Variants in HCFC1 observed in about 807,000 individuals in gnomAD.
HCFC1 encodes the protein host cell factor C1, also known as host cell factor 1.
A neutral mutation model predicts 105.5 loss-of-function variants in HCFC1; 7 were observed. That is an observed-to-expected ratio of 0.07 (90% CI 0.04 to 0.12). The LOEUF (loss-of-function observed/expected upper bound fraction) is 0.12. HCFC1 is among the 10% of genes least tolerant of loss of function. HCFC1 has a pLI of 1.00. For synonymous variants in HCFC1, 918 were observed against 828.1 expected (o/e 1.11, Z -1.86); for missense variants, 1,065 against 1,823.6 (o/e 0.58, Z 7.58).
chrX:153,957,998 C>T (rs377276616), intron 11 of HCFC1, 27 bp downstream of exon 11: 8 of 1,188,250 alleles, frequency 6.7e-6, no homozygotes, highest in African/African-American at 3.5e-5. Flanking sequence ...TGGCAGTGGC[C>T]GTAGCCTGGC....
Position 153,955,145 on chromosome X carries a change from G to A in HCFC1, c.3254C>T (p.Thr1085Met), listed in dbSNP as rs782166269. The A allele has an allele frequency of 5.8e-6, 7 of 1,211,410 alleles. No homozygotes were observed. The highest frequency in any genetic ancestry group is 4.3e-5 in the Admixed American group (2 of 46,081). ...GGTGGTGGCGGTGTTGGTGGTGCCC[G>A]TCTCGTGGGTCTCGCAGGGCGGGTT... is the stretch of plus-strand genomic sequence containing the variant. ...CSNPPCETHE[T>M]GTTNTATTAT... is the part of the protein sequence containing the mutation. The change falls in exon 17 of 26, where the codon ACG becomes ATG. Residue 1085 changes from threonine (T) to methionine (M), a missense_variant. Thr to Met is a moderately conservative substitution (Grantham distance 81, BLOSUM62 -1). This residue lies in a region of HCFC1 where 546 missense variants were observed against 599.9 expected (regional missense o/e 0.91). Transcript: ENST00000310441.
chrX:153,966,124 T>C (rs2065471959), intron 1 of HCFC1, among the ~76,000 whole-genome samples: 2 of 112,269 alleles, frequency 1.8e-5, no homozygotes, highest in Non-Finnish European at 3.8e-5. Flanking sequence ...GCGGGAGGAC[T>C]GCCTGACCCT....
Position 153,957,782 on chromosome X carries a change from C to A in HCFC1, c.2133G>T (p.Gln711His). 8.4e-7 allele frequency: 1 copy of A among 1,196,383 alleles called. No individual in the cohort carries two copies. Among genetic ancestry groups the A allele is most frequent in the Non-Finnish European group, 1.1e-6 (1 of 881,664 alleles). Residue 711 changes from glutamine to histidine, a missense_variant and splice_region_variant, in exon 12 of 26, where the codon CAG becomes CAT. By Grantham distance (24) the Gln-to-His change is conservative. Transcript: ENST00000310441. ...ASTGPVTQII[Q>H]TKGPLPAGTI... ...GTATGTGCAAAGACTGAGAGCTCAC[C>A]TGGATGATCTGAGTCACAGGACCCG...
At chrX:153,949,679 C>T (rs1198788536) in intron 24 of HCFC1, 63 bp from the exon 25 acceptor site, 10 of 970,647 alleles carry the variant, frequency 1.0e-5, no homozygotes, top group Non-Finnish European at 1.3e-5. Context: ...GGAACACATG[C>T]GCCCTGCCCG....
At chrX:153,958,329 T>C (rs782522354) in intron 10 of HCFC1, 80 bp from the exon 11 acceptor site, 298 of 814,529 alleles carry the variant, frequency 3.7e-4, no homozygotes, top group Non-Finnish European at 5.0e-4. Flanking sequence ...GGTGGGCCCA[T>C]AGCTCCTGCC....
rs2065529007 is a variant in HCFC1, at chrX:153,971,122, T to C, written c.-282A>G. ...TGAGTCCCGTCGCCCCGACTACTTG[T>C]CCGGGCGCTCCCGCTTACAAGCTCG... On this transcript the variant is annotated 5_prime_UTR_variant, in exon 1 of 26. Coordinates refer to ENST00000310441, the MANE Select transcript of HCFC1 (RefSeq NM_005334.3). 2 of 340,540 alleles carry C rather than the reference T, an allele frequency of 5.9e-6. No individual in the cohort carries two copies. The highest frequency in any genetic ancestry group is 1.2e-4 in the Admixed American group (2 of 16,937). 28.1% of individuals were successfully genotyped at this position (340,540 alleles called of 1,213,427 possible).
chrX:153,958,590 C>T lies in HCFC1; in HGVS notation c.1782G>A (p.Lys594=). 3 of 1,205,456 alleles carry T rather than the reference C, an allele frequency of 2.5e-6. No homozygotes were observed. The highest frequency in any genetic ancestry group is 3.4e-6 in the Non-Finnish European group (3 of 891,670). Reference sequence around the variant, plus strand: ...TCACCATGACTGGCGAGGAGGCCACCTTCACAGTGGCTGGGAGGGTGGTAG... The same window carrying T: ...TCACCATGACTGGCGAGGAGGCCACTTTCACAGTGGCTGGGAGGGTGGTAG... ...PGTTTLPATV[K]VASSPVMVSN... Residue 594 remains lysine, a synonymous_variant, in exon 10 of 26, where the codon AAG becomes AAA. Transcript: ENST00000310441.
rs1557113547 is a variant in HCFC1, at chrX:153,954,177, G to A, written c.4222C>T (p.Leu1408=). The change falls in exon 17 of 26, where the codon CTG becomes TTG. Residue 1408 remains leucine, a synonymous_variant. Transcript: ENST00000310441. ...ACCCTCTGTGTTGGGAAAGGAGCCAGCAGCGCGGTGCCAGCCTGGGGGGTG... is the reference window on the plus strand; with the variant it reads ...ACCCTCTGTGTTGGGAAAGGAGCCAACAGCGCGGTGCCAGCCTGGGGGGTG... ...SVTPQAGTAL[L]APFPTQRVCS... 2 of 1,201,155 alleles carry A rather than the reference G, an allele frequency of 1.7e-6. No individual in the cohort carries two copies. Among genetic ancestry groups the A allele is most frequent in the East Asian group, 3.0e-5 (1 of 33,419 alleles).
chrX:153,962,160 G>T, intron 5 of HCFC1, 62 bp downstream of exon 5: 2 of 890,497 alleles, frequency 2.2e-6, no homozygotes, highest in Non-Finnish European at 3.3e-6. Flanking sequence ...CTGAGTGAGA[G>T]CCCTTCGGGG....
intron 24 of HCFC1, 108 bp from the exon 25 acceptor site, chrX:153,949,724 C>T (rs1282093015): frequency 5.4e-6 from 4 of 738,696 alleles, no homozygotes; most frequent in African/African-American, 4.2e-5. Context: ...TGGCATGACC[C>T]GCAGCTGGCA....
chrX:153,971,098 G>A lies in HCFC1; in HGVS notation c.-258C>T, dbSNP rs2065528748. 5 of 350,326 alleles carry A rather than the reference G, an allele frequency of 1.4e-5. No individual in the cohort carries two copies. The East Asian group carries it at 2.3e-4, about 16-fold the overall frequency. 28.9% of individuals were successfully genotyped at this position (350,326 alleles called of 1,213,427 possible). A position where few individuals can be genotyped will look rare whatever the true frequency, so the allele number is the denominator to read the frequency against. ...TAGGCTCAAGAAGCTGGAGGCCGCT[G>A]AGTCCCGTCGCCCCGACTACTTGTC... is the stretch of plus-strand genomic sequence containing the variant. On this transcript the variant is annotated 5_prime_UTR_variant, in exon 1 of 26. Coordinates refer to ENST00000310441, the MANE Select transcript of HCFC1 (RefSeq NM_005334.3).
At chrX:153,965,278 C>T (rs2065463826) in intron 1 of HCFC1, among the ~76,000 whole-genome samples, 1 of 111,947 alleles carries the variant, frequency 8.9e-6, no homozygotes, top group Admixed American at 9.4e-5. Context: ...TCCCTCCCTG[C>T]CCCTGCTGCC....
Position 153,961,667 on chromosome X carries a change from G to A in HCFC1, c.798-19C>T, listed in dbSNP as rs782290079. 2.7e-6 allele frequency: 3 copies of A among 1,118,134 alleles called. No individual in the cohort carries two copies. In the South Asian group the frequency reaches 5.6e-5, roughly 21 times the overall value. 92.1% of individuals were successfully genotyped at this position (1,118,134 alleles called of 1,213,427 possible). ...GTACATTCTGGGAGTGAGGAGGGAA[G>A]AGTGGGAAAGGATTGTAGAGTTGGT... On this transcript the variant is annotated intron_variant, in intron 5 of 25. Transcript: ENST00000310441.
intron 16 of HCFC1, 75 bp downstream of exon 16, chrX:153,956,116 C>A: frequency 2.1e-6 from 2 of 970,471 alleles, no homozygotes. Context: ...GGCCTGTGGA[C>A]GGACGGCGTG....
chrX:153,959,282 T>A, intron 9 of HCFC1, 49 bp downstream of exon 9: 3 of 1,147,799 alleles, frequency 2.6e-6, no homozygotes, highest in Non-Finnish European at 3.5e-6. Flanking sequence ...TGCAACTTAA[T>A]CCACTGGATC....
At position 153,950,359 on chromosome X, in the gene HCFC1, G is replaced by T; in HGVS notation, c.5888C>A (p.Ser1963Tyr). The T allele has an allele frequency of 8.3e-7, 1 of 1,210,968 alleles. No homozygotes were observed. The highest frequency in any genetic ancestry group is 1.1e-6 in the Non-Finnish European group (1 of 895,143). The change falls in exon 24 of 26, where the codon TCC becomes TAC. Residue 1963 changes from serine (S) to tyrosine (Y), a missense_variant. Coordinates refer to ENST00000310441, the MANE Select transcript of HCFC1 (RefSeq NM_005334.3). ...GATGTGGGCGTTGGAAAGGCTGGAG[G>T]ACTGCACCAGGCAGGAGGGGCTGGG... is the stretch of plus-strand genomic sequence containing the variant. ...CGPSPSCLVQ[S>Y]SSLSNAHIDY...
chrX:153,965,254 A>G (rs1263407514), intron 1 of HCFC1, among the ~76,000 whole-genome samples: 3 of 111,076 alleles, frequency 2.7e-5, no homozygotes, highest in African/African-American at 9.8e-5. Flanking sequence ...CTCCTAGGTG[A>G]TGGTCCACCA....
chrX:153,962,154 G>GT, intron 5 of HCFC1, 68 bp downstream of exon 5: 1 of 863,928 alleles, frequency 1.2e-6, no homozygotes, highest in Non-Finnish European at 1.7e-6. Flanking sequence ...ACAAAACTGA[G>GT]TGAGAGCCCT....
At chrX:153,958,534 T>C in intron 10 of HCFC1, 35 bp downstream of exon 10, 1 of 1,137,289 alleles carries the variant, frequency 8.8e-7, no homozygotes, top group South Asian at 2.0e-5. Flanking sequence ...ACTATGCTTG[T>C]TTGACCACAG....
Sources: gnomAD v4.1 joint callset for allele counts (sites outside exome capture counted in the v4.1 genomes callset) on GRCh38, gnomAD v4.1.1 for gene constraint, gnomAD v4.1.1 regional missense constraint, MANE v1.5 for transcripts, NCBI Gene and HGNC (gene_info 2026-07-23, HGNC 2026-07-21) for gene names.